The following TM2D2 variants were observed in gnomAD, a reference collection of about 807,000 sequenced individuals.
TM2D2 encodes TM2 domain-containing protein 2.
TM2D2 carries 19 observed loss-of-function variants against 23.0 expected under a neutral mutation model. The observed-to-expected ratio is 0.82, with a 90% CI of 0.58 to 1.21. TM2D2 has a LOEUF of 1.21. Among genes scored for constraint, TM2D2 ranks in the 50% most tolerant of loss-of-function variants. The pLI is 0.00. For synonymous variants in TM2D2, 120 were observed against 108.8 expected (o/e 1.10, Z -0.64); for missense variants, 246 against 265.4 (o/e 0.93, Z 0.51).
intron 3 of TM2D2, among the ~76,000 whole-genome samples, chr8:38,992,303 C>CAA (rs11332696): frequency 0.24 from 11,397 of 47,538 alleles, 2,127 homozygotes; most frequent in Non-Finnish European, 0.28. Flanking sequence ...CTGTTTCTAC[C>CAA]AAAAAAAAAA....
Position 38,996,476 on chromosome 8 carries a change from A to G in TM2D2, c.-37T>C, listed in dbSNP as rs1835803065. 2 of 1,612,346 alleles carry G rather than the reference A, an allele frequency of 1.2e-6. No homozygotes were observed. The highest frequency in any genetic ancestry group is 2.7e-5 in the African/African-American group (2 of 75,034). On this transcript the variant is annotated 5_prime_UTR_variant, in exon 1 of 4. Coordinates refer to ENST00000456397, the MANE Select transcript of TM2D2 (RefSeq NM_078473.3). Reference sequence around the variant, plus strand: ...CAGGAGCGGAGACCCGGCCTCAACCACAACCCCAGGCCAGCAGCACAGACC... The same window carrying G: ...CAGGAGCGGAGACCCGGCCTCAACCGCAACCCCAGGCCAGCAGCACAGACC...
At chr8:38,996,594 T>G (rs1835811228), upstream of TM2D2, 4 of 1,453,914 alleles carry the variant, frequency 2.8e-6, no homozygotes, top group South Asian at 1.4e-5. Flanking sequence ...TCCGCGCACC[T>G]CCGCCAACCA....
upstream of TM2D2, chr8:38,996,533 G>C: frequency 2.0e-6 from 3 of 1,527,226 alleles, no homozygotes; most frequent in Non-Finnish European, 2.6e-6. Flanking sequence ...TTTCCGCGTA[G>C]CCCCGCCCGC....
chr8:38,994,652 A>G (rs555976204), intron 2 of TM2D2, among the ~76,000 whole-genome samples: 1 of 152,342 alleles, frequency 6.6e-6, no homozygotes, highest in East Asian at 1.9e-4. Context: ...TATGTGGCAT[A>G]ATAGGATGGC....
intron 1 of TM2D2, 21 bp downstream of exon 1, chr8:38,996,192 C>T (rs1564200167): frequency 6.2e-7 from 1 of 1,604,804 alleles, no homozygotes; most frequent in Non-Finnish European, 8.5e-7. Context: ...CGTCCACCCG[C>T]CTCGACCACT....
At chr8:38,996,537 C>T (rs371557130), upstream of TM2D2, 13 of 1,519,930 alleles carry the variant, frequency 8.6e-6, no homozygotes, top group Admixed American at 4.2e-5. Flanking sequence ...CGCGTAGCCC[C>T]GCCCGCGTAG....
chr8:38,996,581 C>A (rs1306983487), upstream of TM2D2: 1 of 1,465,250 alleles, frequency 6.8e-7, no homozygotes, highest in African/African-American at 1.4e-5. Flanking sequence ...CGCAGCTCGA[C>A]GCTCCGCGCA....
upstream of TM2D2, chr8:38,996,934 CGGGCGCGCGTGCTCG>C: frequency 7.1e-7 from 1 of 1,399,124 alleles, no homozygotes. Flanking sequence ...GCGTGCTCGT[CGGGCGCGCGTGCTCG>C]TCGGGCGCGC....
In TM2D2 at chr8:38,990,603, T is replaced by C. The variant is rs183736974; in HGVS notation, c.*729A>G. On this transcript the variant is annotated 3_prime_UTR_variant, in exon 4 of 4. Transcript: ENST00000456397. Reference sequence around the variant, plus strand: ...GATTGGACAATTCTGCCAGGAGGAATAGCTCAACTCACACATCTGATGCCG... The same window carrying C: ...GATTGGACAATTCTGCCAGGAGGAACAGCTCAACTCACACATCTGATGCCG... 13 of 152,350 alleles carry C rather than the reference T, an allele frequency of 8.5e-5. No homozygotes were observed. The East Asian group carries it at 2.5e-3, about 29-fold the overall frequency. The allele number at this position is 152,350 out of a possible 1,614,324, so 9.4% of individuals were successfully genotyped here.
In TM2D2 at chr8:38,991,035, G is replaced by A; in HGVS notation, c.*297C>T. On this transcript the variant is annotated 3_prime_UTR_variant, in exon 4 of 4. Transcript: ENST00000456397. ...TGAAGATATAGCAATGTACAGAAAG[G>A]AAGACTATGGAAACCCATCCACAGC... The A allele has an allele frequency of 2.4e-6, 1 of 425,386 alleles. No homozygotes were observed. The highest frequency in any genetic ancestry group is 2.5e-5 in the South Asian group (1 of 40,740). 26.4% of individuals were successfully genotyped at this position (425,386 alleles called of 1,614,324 possible).
intron 3 of TM2D2, among the ~76,000 whole-genome samples, chr8:38,992,692 T>G (rs1326591124): frequency 5.9e-5 from 9 of 152,038 alleles, no homozygotes; most frequent in Non-Finnish European, 1.0e-4. Flanking sequence ...ATGGTAGGAG[T>G]AGGAGTCTGG....
intron 3 of TM2D2, among the ~76,000 whole-genome samples, chr8:38,992,676 G>C (rs2129428808): frequency 6.6e-6 from 1 of 152,276 alleles, no homozygotes; most frequent in Admixed American, 6.5e-5. Context: ...TTGCACAACA[G>C]GCACCATGGT....
chr8:38,993,124 G>C (rs139757467), intron 3 of TM2D2, among the ~76,000 whole-genome samples: 205 of 152,294 alleles, frequency 1.3e-3, no homozygotes, highest in African/African-American at 4.6e-3. Context: ...GTAGATAAGG[G>C]ATAAACTGAG....
At chr8:38,993,228 C>T (rs2129428893) in intron 3 of TM2D2, among the ~76,000 whole-genome samples, 1 of 152,328 alleles carries the variant, frequency 6.6e-6, no homozygotes, top group Admixed American at 6.5e-5. Flanking sequence ...AAACATATTG[C>T]TTCTGTCAAT....
rs1835797573 is a variant in TM2D2, at chr8:38,996,419, C to G, written c.21G>C (p.Pro7=). MVLGGC[P]VSYLLLCGQA... is the part of the protein sequence containing the mutation. ...GGCCGCACAGAAGTAAGTAACTAAC[C>G]GGGCAACCACCTAGCACCATCTTCC... Residue 7 remains proline, a synonymous_variant, in exon 1 of 4, where the codon CCG becomes CCC. Transcript: ENST00000456397. 2.5e-6 allele frequency: 4 copies of G among 1,614,140 alleles called. No individual in the cohort carries two copies. Among genetic ancestry groups the G allele is most frequent in the Non-Finnish European group, 3.4e-6 (4 of 1,180,020 alleles).
intron 1 of TM2D2, chr8:38,995,866 T>C: frequency 9.4e-7 from 1 of 1,064,796 alleles, no homozygotes; most frequent in South Asian, 2.4e-5. Context: ...TTTACTCCAT[T>C]TATGCCTTAC....
chr8:38,994,392 G>A (rs1356885938), intron 2 of TM2D2, among the ~76,000 whole-genome samples: 2 of 152,158 alleles, frequency 1.3e-5, no homozygotes, highest in South Asian at 2.1e-4. Context: ...AAATAAGAAT[G>A]CTTACAGGAT....
intron 1 of TM2D2, chr8:38,995,938 G>T: frequency 1.4e-6 from 1 of 718,948 alleles, no homozygotes; most frequent in Non-Finnish European, 2.1e-6. Context: ...GCAGGGCAAA[G>T]AAAGCACAAC....
intron 3 of TM2D2, 48 bp downstream of exon 3, chr8:38,993,497 C>T (rs754470348): frequency 1.5e-6 from 2 of 1,372,826 alleles, no homozygotes; most frequent in Non-Finnish European, 2.0e-6. Context: ...AGGAAAATGG[C>T]TCTACCTCCA....
Sources: gnomAD v4.1 joint callset for allele counts (sites outside exome capture counted in the v4.1 genomes callset) on GRCh38, gnomAD v4.1.1 for gene constraint, MANE v1.5 for transcripts, NCBI Gene and HGNC (gene_info 2026-07-23, HGNC 2026-07-21) for gene names.